Variants in DCHS2 observed in about 807,000 individuals in gnomAD.
DCHS2 encodes the protein dachsous cadherin-related 2.
In DCHS2, 142 loss-of-function variants were observed where a neutral mutation model predicts 182.4. The ratio of observed to expected loss-of-function variants is 0.78; its 90% confidence interval spans 0.68 to 0.89. The LOEUF (loss-of-function observed/expected upper bound fraction) is 0.89. DCHS2 is among the 40% of genes least tolerant of loss of function. DCHS2 has a pLI of 0.00. For missense variants in DCHS2, 4,319 were observed against 4,198.6 expected (o/e 1.03, Z -0.79); for synonymous variants, 1,740 against 1,663.3 (o/e 1.05, Z -1.12).
At chr4:154,384,239 G>C (rs1255483494) in intron 1 of DCHS2, 3 of 1,402,666 alleles carry the variant, frequency 2.1e-6, no homozygotes, top group East Asian at 4.8e-5. Flanking sequence ...AATGATCGAG[G>C]CTTGATCTTT....
intron 13 of DCHS2, among the ~76,000 whole-genome samples, chr4:154,282,460 T>C (rs1734189956): frequency 6.6e-6 from 1 of 151,830 alleles, no homozygotes. Context: ...CACAAGATAT[T>C]ACCTTATACC....
chr4:154,263,142 A>G (rs1733065575), intron 14 of DCHS2, among the ~76,000 whole-genome samples: 2 of 152,188 alleles, frequency 1.3e-5, no homozygotes, highest in Admixed American at 1.3e-4. Flanking sequence ...TTGATTTATT[A>G]TACATATCAG....
At chr4:154,278,571 CA>C (rs1733977307) in intron 13 of DCHS2, among the ~76,000 whole-genome samples, 1 of 150,986 alleles carries the variant, frequency 6.6e-6, no homozygotes, top group South Asian at 2.1e-4. Context: ...CGTGAGAACA[CA>C]TTAAAATCCA....
intron 1 of DCHS2, among the ~76,000 whole-genome samples, chr4:154,447,713 G>C (rs774409295): frequency 5.3e-5 from 8 of 152,146 alleles, no homozygotes; most frequent in Non-Finnish European, 1.0e-4. Flanking sequence ...ATGTGGTGCT[G>C]TCTTTACTGA....
At chr4:154,379,939 T>C (rs1731093305) in intron 1 of DCHS2, among the ~76,000 whole-genome samples, 1 of 152,132 alleles carries the variant, frequency 6.6e-6, no homozygotes. Flanking sequence ...ATTTAGTATG[T>C]CTAGAGACAC....
At chr4:154,346,863 G>A (rs776767273) in intron 3 of DCHS2, among the ~76,000 whole-genome samples, 4 of 151,758 alleles carry the variant, frequency 2.6e-5, no homozygotes, top group African/African-American at 7.3e-5. Flanking sequence ...ACCATAACAA[G>A]CTGCAAACTT....
At chr4:154,356,241 CAAAG>C (rs990305935) in intron 3 of DCHS2, among the ~76,000 whole-genome samples, 6 of 151,780 alleles carry the variant, frequency 4.0e-5, no homozygotes, top group African/African-American at 1.2e-4. Context: ...AAATTAAAAA[CAAAG>C]AAAAGCTTAT....
At chr4:154,488,886 ATGTGTGTGTGTGTGTC>A (rs1171945381) in intron 1 of DCHS2, among the ~76,000 whole-genome samples, 2,248 of 117,708 alleles carry the variant, frequency 0.019, 50 homozygotes, top group South Asian at 0.073. Context: ...AAATATATAT[ATGTGTGTGTGTGTGTC>A]TGTGTGTGTG....
intron 1 of DCHS2, among the ~76,000 whole-genome samples, chr4:154,401,877 C>G (rs987900489): frequency 3.9e-5 from 6 of 152,070 alleles, no homozygotes; most frequent in Non-Finnish European, 8.8e-5. Flanking sequence ...GCCTATAGTC[C>G]CAGCTACTCG....
At chr4:154,433,135 T>G (rs1337393063) in intron 1 of DCHS2, among the ~76,000 whole-genome samples, 2 of 152,108 alleles carry the variant, frequency 1.3e-5, no homozygotes, top group Non-Finnish European at 2.9e-5. Context: ...AATTTTTATT[T>G]ATAAAAAGAG....
intron 1 of DCHS2, among the ~76,000 whole-genome samples, chr4:154,438,340 A>C (rs1341531474): frequency 6.6e-6 from 1 of 152,226 alleles, no homozygotes; most frequent in African/African-American, 2.4e-5. Flanking sequence ...TGTAGAGGCC[A>C]GGCCACTAAT....
intron 2 of DCHS2, 116 bp downstream of exon 2, chr4:154,377,137 T>C (rs988610924): frequency 1.0e-6 from 1 of 959,046 alleles, no homozygotes; most frequent in African/African-American, 1.7e-5. Context: ...AGGAAAGAGG[T>C]AGTGACACAT....
chr4:154,484,007 C>T (rs1352141461), intron 1 of DCHS2, among the ~76,000 whole-genome samples: 4 of 152,118 alleles, frequency 2.6e-5, no homozygotes, highest in Admixed American at 6.5e-5. Context: ...TACTACTGGC[C>T]GTTAATTCAC....
chr4:154,329,785 G>A lies in DCHS2; in HGVS notation c.3731-75C>T, dbSNP rs537110072. On this transcript the variant is annotated intron_variant, in intron 5 of 19. Transcript: ENST00000357232. ...CCAGGGCCAGAACCATTTCCAGAAG[G>A]AAAACCAAGTACAAAGCTTTGAGCA... 3.3e-5 allele frequency: 44 copies of A among 1,351,822 alleles called. 1 individual carries two copies. Among genetic ancestry groups the A allele is most frequent in the Middle Eastern group, 5.5e-4 (2 of 3,644 alleles). 83.7% of individuals were successfully genotyped at this position (1,351,822 alleles called of 1,614,324 possible). A position where few individuals can be genotyped will look rare whatever the true frequency, so the allele number is the denominator to read the frequency against.
At chr4:154,388,443 AT>A (rs201394308) in intron 1 of DCHS2, among the ~76,000 whole-genome samples, 37 of 150,114 alleles carry the variant, frequency 2.5e-4, no homozygotes, top group South Asian at 1.7e-3. Context: ...GGAATAGGTG[AT>A]TTTTTTTTAT....
At chr4:154,467,104 T>C (rs1489889401) in intron 1 of DCHS2, among the ~76,000 whole-genome samples, 4 of 152,152 alleles carry the variant, frequency 2.6e-5, no homozygotes. Flanking sequence ...TCCAATTACA[T>C]CCAGAGATCA....
In DCHS2 at chr4:154,320,600, C is replaced by T. The variant is rs372386938; in HGVS notation, c.4799G>A (p.Arg1600Gln). ...TATTTGTGCTGTCAGTGATCTCAGT[C>T]GCCGGTCTGTCACATTCACAGCCTG... ...SDQAVNVTDR[R>Q]LRSLTAQIVI... The change falls in exon 9 of 20, where the codon CGA (arginine) becomes CAA (glutamine). Residue 1600 changes from arginine (R) to glutamine (Q), a missense_variant. Coordinates refer to ENST00000357232, the MANE Select transcript of DCHS2 (RefSeq NM_001358235.2). The T allele has an allele frequency of 1.6e-5, 26 of 1,613,924 alleles. No homozygotes were observed. The highest frequency in any genetic ancestry group is 2.0e-5 in the Non-Finnish European group (24 of 1,179,996).
chr4:154,485,713 G>A (rs1490655), intron 1 of DCHS2, among the ~76,000 whole-genome samples: 105,962 of 152,144 alleles, frequency 0.7, 38,010 homozygotes, highest in East Asian at 0.99. Context: ...TAAATGAATT[G>A]ATGAATGAAC....
At position 154,236,201 on chromosome 4, in the gene DCHS2, TC is replaced by T. The variant is rs775514206; in HGVS notation, c.8450del (p.Gly2817GlufsTer14). On this transcript the variant is annotated frameshift_variant, in exon 20 of 20. Transcript: ENST00000357232. LOFTEE classifies it low-confidence loss of function (END_TRUNC). ...GGAAGAGATCATGATCATAAGACAT[TC>T]CATGAGTGAGAAAACAGGGTGATAC... ...SIVSPCFLTH[G>X]MSYDHDLFLI... 28 of 1,613,906 alleles carry T rather than the reference TC, an allele frequency of 1.7e-5. No homozygotes were observed. In the Middle Eastern group the frequency reaches 4.9e-4, roughly 29 times the overall value.
Sources: allele counts gnomAD v4.1 joint callset (sites outside exome capture counted in the v4.1 genomes callset), GRCh38; gene constraint gnomAD v4.1.1; transcripts MANE v1.5; gene names NCBI Gene and HGNC (gene_info 2026-07-23, HGNC 2026-07-21).